PCCA: variants seen among roughly 807,000 people sequenced by gnomAD.
PCCA encodes propionyl-CoA carboxylase subunit alpha, also known as propionyl-CoA carboxylase alpha chain, mitochondrial.
PCCA carries 74 observed loss-of-function variants against 101.3 expected under a neutral mutation model. That is an observed-to-expected ratio of 0.73 (90% CI 0.61 to 0.89). PCCA has a LOEUF of 0.89. Among genes scored for constraint, PCCA ranks in the 40% least tolerant of loss-of-function variants. The pLI is 0.00. For missense variants in PCCA, 891 were observed against 907.0 expected (o/e 0.98, Z 0.23); for synonymous variants, 294 against 313.6 (o/e 0.94, Z 0.66).
intron 21 of PCCA, among the ~76,000 whole-genome samples, chr13:100,458,440 T>TACACACAC (rs777836240): frequency 1.0e-4 from 12 of 118,766 alleles, no homozygotes; most frequent in African/African-American, 1.4e-4. Context: ...CACACACACA[T>TACACACAC]ACACACACAC....
intron 19 of PCCA, among the ~76,000 whole-genome samples, chr13:100,383,615 G>GAA (rs112283573): frequency 6.9e-6 from 1 of 144,462 alleles, no homozygotes; most frequent in African/African-American, 2.5e-5. Flanking sequence ...ACCCCGTGTC[G>GAA]AAAAAAAAAA....
At chr13:100,350,567 A>G (rs922328976) in intron 18 of PCCA, among the ~76,000 whole-genome samples, 1 of 152,214 alleles carries the variant, frequency 6.6e-6, no homozygotes, top group African/African-American at 2.4e-5. Flanking sequence ...TTAGAAATCT[A>G]TGTGAGATTA....
intron 21 of PCCA, among the ~76,000 whole-genome samples, chr13:100,497,600 T>TGG (rs2085367324): frequency 1.3e-5 from 2 of 152,184 alleles, no homozygotes; most frequent in African/African-American, 4.8e-5. Context: ...GTCTTCAGAT[T>TGG]AAATTCATGC....
intron 6 of PCCA, among the ~76,000 whole-genome samples, chr13:100,181,107 T>C (rs914891412): frequency 4.6e-5 from 7 of 152,130 alleles, no homozygotes; most frequent in African/African-American, 1.7e-4. Flanking sequence ...ACCATGAGGG[T>C]AGCTAGCCTG....
intron 18 of PCCA, among the ~76,000 whole-genome samples, chr13:100,357,800 G>A (rs1390729298): frequency 6.6e-6 from 1 of 152,192 alleles, no homozygotes; most frequent in African/African-American, 2.4e-5. Context: ...AGGTCTCAGA[G>A]AATGATGTTC....
intron 8 of PCCA, among the ~76,000 whole-genome samples, chr13:100,247,656 G>C (rs1009572570): frequency 2.6e-5 from 4 of 151,778 alleles, no homozygotes; most frequent in African/African-American, 9.7e-5. Flanking sequence ...TGTGACTACA[G>C]GTGCCTGCCA....
chr13:100,407,577 A>C (rs1203845437), intron 19 of PCCA, among the ~76,000 whole-genome samples: 2 of 152,230 alleles, frequency 1.3e-5, no homozygotes, highest in East Asian at 1.9e-4. Context: ...ATCTACAGAA[A>C]AACCATATTA....
chr13:100,437,917 G>A (rs1168438973), intron 20 of PCCA, among the ~76,000 whole-genome samples: 1 of 152,002 alleles, frequency 6.6e-6, no homozygotes, highest in Non-Finnish European at 1.5e-5. Flanking sequence ...TTATCTGCCC[G>A]CCTCAGCCTC....
intron 19 of PCCA, among the ~76,000 whole-genome samples, chr13:100,407,215 A>G (rs1303814620): frequency 6.6e-6 from 1 of 152,218 alleles, no homozygotes; most frequent in Non-Finnish European, 1.5e-5. Context: ...TATAACCTAA[A>G]GAAGATTGAA....
At chr13:100,172,218 T>A (rs1025052260) in intron 6 of PCCA, among the ~76,000 whole-genome samples, 1 of 147,296 alleles carries the variant, frequency 6.8e-6, no homozygotes, top group African/African-American at 2.5e-5. Context: ...AAAAAAAAAT[T>A]TACCTTTCAG....
At chr13:100,138,501 G>T (rs1195019160) in intron 4 of PCCA, among the ~76,000 whole-genome samples, 3 of 152,182 alleles carry the variant, frequency 2.0e-5, no homozygotes, top group South Asian at 2.1e-4. Context: ...CAAAAGCAAT[G>T]TTATCATTTC....
intron 18 of PCCA, among the ~76,000 whole-genome samples, chr13:100,352,504 C>A (rs1286078508): frequency 6.6e-6 from 1 of 150,918 alleles, no homozygotes. Flanking sequence ...AGGTGATTCT[C>A]CTGCCTCAGC....
intron 6 of PCCA, among the ~76,000 whole-genome samples, chr13:100,160,161 G>A (rs757577667): frequency 1.2e-4 from 19 of 152,104 alleles, no homozygotes; most frequent in South Asian, 2.1e-4. Flanking sequence ...CTGAGTTTAC[G>A]CGAAGTGGGA....
intron 12 of PCCA, among the ~76,000 whole-genome samples, chr13:100,280,536 T>TCC (rs2064018634): frequency 6.6e-6 from 1 of 152,036 alleles, no homozygotes; most frequent in Non-Finnish European, 1.5e-5. Flanking sequence ...CACACCTGTC[T>TCC]CCCCTCTCTG....
intron 6 of PCCA, among the ~76,000 whole-genome samples, chr13:100,179,541 G>GCTAC (rs1226579047): frequency 6.6e-6 from 1 of 152,114 alleles, no homozygotes; most frequent in East Asian, 1.9e-4. Context: ...TACTTGACTT[G>GCTAC]CTACCTATAG....
intron 18 of PCCA, among the ~76,000 whole-genome samples, chr13:100,341,779 G>A (rs1242261116): frequency 6.6e-6 from 1 of 151,924 alleles, no homozygotes; most frequent in African/African-American, 2.4e-5. Flanking sequence ...GAAGTTCTGA[G>A]TGTAGCTAAA....
At chr13:100,149,218 T>TA (rs2052985389) in intron 4 of PCCA, 1 of 151,516 alleles carries the variant, frequency 6.6e-6, no homozygotes, top group Non-Finnish European at 1.5e-5. Flanking sequence ...GGCTTTCCTT[T>TA]AACCTTTTAG....
At chr13:100,237,889 T>G (rs189656354) in intron 8 of PCCA, among the ~76,000 whole-genome samples, 16 of 152,100 alleles carry the variant, frequency 1.1e-4, no homozygotes, top group East Asian at 9.7e-4. Flanking sequence ...GGCCGTGGAT[T>G]GCTTTGCTTC....
At chr13:100,142,591 A>C (rs1379230207) in intron 4 of PCCA, among the ~76,000 whole-genome samples, 1 of 150,794 alleles carries the variant, frequency 6.6e-6, no homozygotes, top group East Asian at 2.0e-4. Context: ...CTCCTACCTC[A>C]GCCTCCCGAG....
Sources: gnomAD v4.1 joint callset for allele counts (sites outside exome capture counted in the v4.1 genomes callset) on GRCh38, gnomAD v4.1.1 for gene constraint, MANE v1.5 for transcripts, NCBI Gene and HGNC (gene_info 2026-07-23, HGNC 2026-07-21) for gene names.